The following WDPCP variants were observed in gnomAD, a reference collection of about 807,000 sequenced individuals.
WDPCP encodes the protein WD repeat containing planar cell polarity effector.
WDPCP carries 71 observed loss-of-function variants against 93.1 expected under a neutral mutation model. That is an observed-to-expected ratio of 0.76 (90% CI 0.63 to 0.93). WDPCP has a LOEUF of 0.93. Among genes scored for constraint, WDPCP ranks in the 40% least tolerant of loss-of-function variants. WDPCP has a pLI of 0.00. For synonymous variants in WDPCP, 315 were observed against 315.0 expected (o/e 1.00, Z 0.00); for missense variants, 844 against 887.4 (o/e 0.95, Z 0.62).
At chr2:63,216,217 A>G (rs1264249938) in intron 14 of WDPCP, among the ~76,000 whole-genome samples, 1 of 152,186 alleles carries the variant, frequency 6.6e-6, no homozygotes, top group Non-Finnish European at 1.5e-5. Flanking sequence ...GCATATACCC[A>G]AAGGATTATA....
At chr2:63,463,384 G>A (rs969584445) in intron 6 of WDPCP, among the ~76,000 whole-genome samples, 5 of 152,104 alleles carry the variant, frequency 3.3e-5, no homozygotes, top group African/African-American at 1.2e-4. Flanking sequence ...ATTTTGTTGA[G>A]AAATCTGATT....
intron 2 of WDPCP, among the ~76,000 whole-genome samples, chr2:63,711,824 G>A (rs1403927877): frequency 6.6e-6 from 1 of 152,208 alleles, no homozygotes; most frequent in Non-Finnish European, 1.5e-5. Context: ...AACCCTATGT[G>A]TGGTAAATTG....
chr2:63,793,574 G>T (rs1670574740), intron 2 of WDPCP, among the ~76,000 whole-genome samples: 2 of 152,246 alleles, frequency 1.3e-5, no homozygotes, highest in South Asian at 4.2e-4. Flanking sequence ...TTGTGCCATT[G>T]CACCTAAGCC....
chr2:63,611,414 AT>A (rs1449283301), intron 3 of WDPCP, among the ~76,000 whole-genome samples: 5 of 152,178 alleles, frequency 3.3e-5, no homozygotes, highest in African/African-American at 1.2e-4. Context: ...ATTTAATACC[AT>A]TTTAACTGTC....
intron 14 of WDPCP, among the ~76,000 whole-genome samples, chr2:63,188,282 TTCTC>T (rs1250180337): frequency 6.6e-6 from 1 of 152,128 alleles, no homozygotes; most frequent in Non-Finnish European, 1.5e-5. Context: ...CTTTGTCCCT[TTCTC>T]TTTCTTTCCT....
the WDPCP span, among the ~76,000 whole-genome samples, chr2:63,840,475 G>C: frequency 6.6e-6 from 1 of 152,208 alleles, no homozygotes; most frequent in African/African-American, 2.4e-5. Flanking sequence ...CGGTGAGGGA[G>C]CCTTCACTTG....
chr2:63,403,359 C>G (rs1236721731), intron 10 of WDPCP, among the ~76,000 whole-genome samples: 1 of 151,932 alleles, frequency 6.6e-6, no homozygotes, highest in Non-Finnish European at 1.5e-5. Flanking sequence ...ATAATATGTA[C>G]AGCAAACCCC....
At chr2:63,537,723 A>T (rs1704403285) in intron 1 of WDPCP, among the ~76,000 whole-genome samples, 2 of 152,168 alleles carry the variant, frequency 1.3e-5, no homozygotes, top group African/African-American at 4.8e-5. Context: ...GCTTTCCCCA[A>T]CATCAGGCCC....
intron 3 of WDPCP, chr2:63,606,045 C>G (rs1373341179): frequency 1.9e-6 from 3 of 1,596,878 alleles, no homozygotes; most frequent in Non-Finnish European, 2.6e-6. Context: ...TATTTTGGAG[C>G]TATTTCCCTT....
In WDPCP at chr2:63,381,977, T is replaced by C. The variant is rs1692348243; in HGVS notation, c.1553A>G (p.His518Arg). ...GGCGCTCATGCTGATAAAGCACTGG[T>C]GGCCCAGAGTGTCCCAGTTCATGCT... ...LSSMNWDTLG[H>R]QCFISMSAIV... The change falls in exon 11 of 18, where the codon CAC becomes CGC. Residue 518 changes from histidine to arginine, a missense_variant. Physicochemically the swap from His to Arg is conservative, Grantham distance 29. Transcript: ENST00000272321. The C allele has an allele frequency of 1.9e-6, 3 of 1,613,546 alleles. No individual in the cohort carries two copies. The highest frequency in any genetic ancestry group is 2.5e-6 in the Non-Finnish European group (3 of 1,179,722).
intron 14 of WDPCP, among the ~76,000 whole-genome samples, chr2:63,194,629 A>AT (rs1340597127): frequency 6.6e-6 from 1 of 152,172 alleles, no homozygotes; most frequent in Non-Finnish European, 1.5e-5. Flanking sequence ...ATGTGCCTAT[A>AT]TGGAAATAAG....
chr2:63,228,538 C>T (rs1386303121), intron 14 of WDPCP: 3 of 151,688 alleles, frequency 2.0e-5, no homozygotes, highest in Non-Finnish European at 4.4e-5. Context: ...CCCATTAACT[C>T]GTCATTTAGC....
chr2:63,216,723 T>TA (rs754155315), intron 14 of WDPCP, among the ~76,000 whole-genome samples: 111 of 150,224 alleles, frequency 7.4e-4, no homozygotes, highest in East Asian at 1.2e-3. Flanking sequence ...AAAAAAAAAC[T>TA]AAAAAAAAAT....
At chr2:63,409,352 A>T (rs1456219766) in intron 9 of WDPCP, among the ~76,000 whole-genome samples, 1 of 152,184 alleles carries the variant, frequency 6.6e-6, no homozygotes, top group Non-Finnish European at 1.5e-5. Context: ...AGAGGGGGAG[A>T]GTACTACATC....
At chr2:63,318,490 C>T (rs958972638) in intron 12 of WDPCP, among the ~76,000 whole-genome samples, 2 of 152,062 alleles carry the variant, frequency 1.3e-5, no homozygotes, top group Non-Finnish European at 2.9e-5. Context: ...GCACTATTCA[C>T]AATAGGAAGG....
intron 2 of WDPCP, among the ~76,000 whole-genome samples, chr2:63,726,743 T>C (rs1669501805): frequency 6.6e-6 from 1 of 152,192 alleles, no homozygotes. Context: ...ATTCTCATTG[T>C]AGAGATCTTT....
chr2:63,461,709 G>A (rs1182390098), intron 6 of WDPCP, among the ~76,000 whole-genome samples: 1 of 151,048 alleles, frequency 6.6e-6, no homozygotes. Context: ...ATTGATTCAT[G>A]TTGGAATATA....
intron 2 of WDPCP, among the ~76,000 whole-genome samples, chr2:63,754,710 C>A (rs1444885734): frequency 6.6e-6 from 1 of 152,192 alleles, no homozygotes; most frequent in Non-Finnish European, 1.5e-5. Context: ...GGCACCTGAG[C>A]TGACAGCAGC....
At chr2:63,666,574 G>A (rs188688643) in intron 2 of WDPCP, among the ~76,000 whole-genome samples, 10 of 152,172 alleles carry the variant, frequency 6.6e-5, no homozygotes, top group East Asian at 5.8e-4. Context: ...ATTTTGTGCC[G>A]CTGCCTTCAG....
Sources: gnomAD v4.1 joint callset for allele counts (sites outside exome capture counted in the v4.1 genomes callset) on GRCh38, gnomAD v4.1.1 for gene constraint, MANE v1.5 for transcripts, NCBI Gene and HGNC (gene_info 2026-07-23, HGNC 2026-07-21) for gene names.